Variants in DCLK1 observed in about 807,000 individuals in gnomAD.
DCLK1 encodes the protein doublecortin like kinase 1, also known as serine/threonine-protein kinase DCLK1.
A neutral mutation model predicts 86.2 loss-of-function variants in DCLK1; 16 were observed. That is an observed-to-expected ratio of 0.19 (90% CI 0.13 to 0.28). The LOEUF (loss-of-function observed/expected upper bound fraction) is 0.28, where lower values mean the gene tolerates loss of function less well. Ranked by LOEUF, DCLK1 falls within the 10% of genes least tolerant of loss-of-function variation. The pLI, the probability that DCLK1 is intolerant of heterozygous loss-of-function variation, is 1.00. For missense variants in DCLK1, 590 were observed against 940.2 expected (o/e 0.63, Z 4.87); for synonymous variants, 369 against 370.5 (o/e 1.00, Z 0.05).
intron 3 of DCLK1, among the ~76,000 whole-genome samples, chr13:35,950,943 C>T (rs979957540): frequency 4.0e-5 from 6 of 151,878 alleles, no homozygotes; most frequent in South Asian, 2.1e-4. Flanking sequence ...GTCCAGGGCT[C>T]GTCCTCCTGC....
chr13:35,949,385 G>C (rs1445799344), intron 3 of DCLK1, among the ~76,000 whole-genome samples: 2 of 152,096 alleles, frequency 1.3e-5, no homozygotes, highest in African/African-American at 2.4e-5. Flanking sequence ...TTTGGAAGTG[G>C]GCTGACAGCC....
At chr13:35,854,412 G>A in intron 6 of DCLK1, 87 bp downstream of exon 6, 1 of 1,078,410 alleles carries the variant, frequency 9.3e-7, no homozygotes. Context: ...ATCGCCTAGA[G>A]ACGAGCAGCA....
rs556787817 is a variant in DCLK1, at chr13:35,899,950, T to C, written c.824-28610A>G. ...AAAAATGAACATATATTTAACAATA[T>C]AAATTAAAGAAACCAAATCTATGTA... On this transcript the variant is annotated intron_variant, in intron 4 of 16. Transcript: ENST00000360631. 3.9e-5 allele frequency among the ~76,000 whole-genome samples: 6 copies of C among 152,310 alleles called. No homozygotes were observed. In the South Asian group the frequency reaches 1.2e-3, roughly 32 times the overall value.
intron 4 of DCLK1, among the ~76,000 whole-genome samples, chr13:35,902,361 G>A (rs145315022): frequency 1.3e-5 from 2 of 152,104 alleles, no homozygotes; most frequent in African/African-American, 4.8e-5. Flanking sequence ...GATTTCCTAC[G>A]CAAGCTTGGA....
chr13:35,829,671 C>T (rs190818953), intron 8 of DCLK1, among the ~76,000 whole-genome samples: 1 of 152,056 alleles, frequency 6.6e-6, no homozygotes, highest in Non-Finnish European at 1.5e-5. Context: ...TGGTGCCGGC[C>T]TCAAAAAACA....
chr13:35,954,709 G>T (rs1011357550), intron 3 of DCLK1, among the ~76,000 whole-genome samples: 1 of 151,800 alleles, frequency 6.6e-6, no homozygotes, highest in African/African-American at 2.4e-5. Flanking sequence ...AGAATCTCTG[G>T]ATCTTGGCCA....
chr13:35,959,783 G>A (rs1878352150), intron 3 of DCLK1, among the ~76,000 whole-genome samples: 1 of 151,712 alleles, frequency 6.6e-6, no homozygotes, highest in South Asian at 2.1e-4. Flanking sequence ...ATTTCCAAAG[G>A]CAGGGTAGGG....
At chr13:35,922,468 T>C (rs760687613) in intron 4 of DCLK1, among the ~76,000 whole-genome samples, 12 of 152,184 alleles carry the variant, frequency 7.9e-5, no homozygotes, top group African/African-American at 2.9e-4. Flanking sequence ...GCATAGAGCA[T>C]TGGCGGACAG....
chr13:35,858,241 G>A (rs1356273973), intron 5 of DCLK1, among the ~76,000 whole-genome samples: 1 of 152,136 alleles, frequency 6.6e-6, no homozygotes, highest in Non-Finnish European at 1.5e-5. Flanking sequence ...AAACGGAAAC[G>A]TTCCAGAGAA....
chr13:35,986,300 CAAAAAAAAAAAAAAAAA>C (rs60156251), intron 3 of DCLK1, among the ~76,000 whole-genome samples: 2 of 44,400 alleles, frequency 4.5e-5, no homozygotes, highest in Non-Finnish European at 7.2e-5. Context: ...GACTCCGTCT[CAAAAAAAAAAAAAAAAA>C]AAAAAAAAAA....
chr13:36,089,162 T>G (rs1426665629), intron 3 of DCLK1, among the ~76,000 whole-genome samples: 1 of 152,236 alleles, frequency 6.6e-6, no homozygotes, highest in Non-Finnish European at 1.5e-5. Flanking sequence ...GTTTTAATTT[T>G]TTTTCTAGCG....
chr13:36,018,631 T>C (rs915961504), intron 3 of DCLK1, among the ~76,000 whole-genome samples: 12 of 152,184 alleles, frequency 7.9e-5, no homozygotes, highest in African/African-American at 2.9e-4. Context: ...TAATTTACTG[T>C]GAACATTTTA....
chr13:35,807,548 C>A (rs2087052792), intron 14 of DCLK1, among the ~76,000 whole-genome samples: 1 of 152,212 alleles, frequency 6.6e-6, no homozygotes. Context: ...ATTCAGTATA[C>A]ATTGAGCACC....
At chr13:36,128,356 G>A (rs1886259359) in intron 1 of DCLK1, among the ~76,000 whole-genome samples, 1 of 152,104 alleles carries the variant, frequency 6.6e-6, no homozygotes, top group Non-Finnish European at 1.5e-5. Flanking sequence ...TATAACTGAG[G>A]GGTTGAGATT....
At chr13:35,870,338 C>G (rs1230552478) in intron 5 of DCLK1, among the ~76,000 whole-genome samples, 2 of 152,146 alleles carry the variant, frequency 1.3e-5, no homozygotes, top group East Asian at 3.9e-4. Flanking sequence ...TGGCCCCTGA[C>G]CTATAATGAT....
chr13:35,829,044 T>A (rs1175109802), intron 8 of DCLK1, among the ~76,000 whole-genome samples: 1 of 152,160 alleles, frequency 6.6e-6, no homozygotes, highest in African/African-American at 2.4e-5. Flanking sequence ...TTATGGGCTG[T>A]CTCATTTCTT....
intron 3 of DCLK1, among the ~76,000 whole-genome samples, chr13:36,098,966 T>TC (rs1885104229): frequency 2.1e-5 from 3 of 145,972 alleles, no homozygotes; most frequent in Non-Finnish European, 4.5e-5. Flanking sequence ...TTTAATATTA[T>TC]TTGGATTTTT....
chr13:35,815,133 G>T (rs1053261878), intron 11 of DCLK1, among the ~76,000 whole-genome samples: 3 of 152,060 alleles, frequency 2.0e-5, no homozygotes, highest in Non-Finnish European at 4.4e-5. Context: ...TGAAAGGAGG[G>T]TTTTATTTTT....
At chr13:35,833,857 GAA>G (rs375486515) in intron 8 of DCLK1, among the ~76,000 whole-genome samples, 12 of 152,298 alleles carry the variant, frequency 7.9e-5, no homozygotes, top group African/African-American at 2.6e-4. Flanking sequence ...AGCAGGAGCC[GAA>G]TACTAACTTC....
Sources: gnomAD v4.1 joint callset for allele counts (sites outside exome capture counted in the v4.1 genomes callset) on GRCh38, gnomAD v4.1.1 for gene constraint, MANE v1.5 for transcripts, NCBI Gene and HGNC (gene_info 2026-07-23, HGNC 2026-07-21) for gene names.